The following HSPD1 variants were observed in gnomAD, a reference collection of about 807,000 sequenced individuals.
HSPD1 encodes 60 kDa heat shock protein, mitochondrial.
HSPD1 carries 3 observed loss-of-function variants against 53.0 expected under a neutral mutation model. The ratio of observed to expected loss-of-function variants is 0.06; its 90% CI spans 0.03 to 0.15. The LOEUF (loss-of-function observed/expected upper bound fraction) is 0.15. Ranked by LOEUF, HSPD1 falls within the 10% of genes least tolerant of loss-of-function variation. The probability of loss-of-function intolerance (pLI) is 1.00; values close to 1 mark genes in which losing one functional copy is unlikely to be tolerated. For missense variants in HSPD1, 431 were observed against 694.1 expected, an observed-to-expected ratio of 0.62 and a Z score of 4.26; for synonymous variants, 200 against 228.0, an observed-to-expected ratio of 0.88 and a Z score of 1.10.
At chr2:197,490,851 T>C (rs868484011) in intron 7 of HSPD1, among the ~76,000 whole-genome samples, 2 of 152,224 alleles carry the variant, frequency 1.3e-5, no homozygotes, top group African/African-American at 4.8e-5. Flanking sequence ...TCTCCATATA[T>C]TAATGCTGAG....
intron 11 of HSPD1, among the ~76,000 whole-genome samples, 177 bp from the exon 12 acceptor site, chr2:197,487,375 C>T (rs543406705): frequency 1.3e-5 from 2 of 151,952 alleles, no homozygotes; most frequent in South Asian, 4.2e-4. Context: ...GATGAGACCC[C>T]GTCTCTACTA....
At chr2:197,491,313 A>C (rs964388781) in intron 7 of HSPD1, among the ~76,000 whole-genome samples, 1 of 150,224 alleles carries the variant, frequency 6.7e-6, no homozygotes, top group African/African-American at 2.5e-5. Context: ...TCAGCCCGCC[A>C]CCACGCCCAG....
At chr2:197,489,519 A>T (rs567207123) in intron 8 of HSPD1, among the ~76,000 whole-genome samples, 1 of 152,260 alleles carries the variant, frequency 6.6e-6, no homozygotes, top group Non-Finnish European at 1.5e-5. Context: ...CCAGGACAAG[A>T]CCATAGGCCT....
chr2:197,491,310 G>A (rs899961891), intron 7 of HSPD1, among the ~76,000 whole-genome samples: 4 of 150,598 alleles, frequency 2.7e-5, no homozygotes, highest in East Asian at 4.0e-4. Flanking sequence ...GCCTCAGCCC[G>A]CCACCACGCC....
At chr2:197,494,501 C>T in intron 5 of HSPD1, 156 bp downstream of exon 5, 1 of 649,574 alleles carries the variant, frequency 1.5e-6, no homozygotes, top group South Asian at 1.9e-5. Flanking sequence ...GTACTTTATT[C>T]TATACATGTG....
intron 3 of HSPD1, 141 bp from the exon 4 acceptor site, chr2:197,495,517 G>T: frequency 1.6e-6 from 1 of 640,766 alleles, no homozygotes; most frequent in Non-Finnish European, 2.8e-6. Flanking sequence ...ACAGGGTCTT[G>T]TTCTGCTGCC....
chr2:197,490,892 C>T (rs2086083324), intron 7 of HSPD1, among the ~76,000 whole-genome samples: 1 of 152,154 alleles, frequency 6.6e-6, no homozygotes, highest in Non-Finnish European at 1.5e-5. Flanking sequence ...GAATTCACTT[C>T]TTTTATAAAT....
intron 2 of HSPD1, 68 bp from the exon 3 acceptor site, chr2:197,497,460 G>A: frequency 1.3e-6 from 2 of 1,513,760 alleles, no homozygotes; most frequent in Non-Finnish European, 1.8e-6. Context: ...AAAATGAGCA[G>A]TCTTCATAAT....
intron 4 of HSPD1, chr2:197,494,959 C>A: frequency 1.6e-6 from 1 of 608,512 alleles, no homozygotes; most frequent in Non-Finnish European, 2.9e-6. Context: ...GAATATGATA[C>A]ATAAAACTAT....
At chr2:197,488,813 C>T (rs1197769788) in intron 9 of HSPD1, among the ~76,000 whole-genome samples, 189 bp downstream of exon 9, 2 of 152,096 alleles carry the variant, frequency 1.3e-5, no homozygotes, top group South Asian at 2.1e-4. Context: ...GGTTGCAGTG[C>T]GCCGAGATCG....
chr2:197,498,929 G>GAGCA, intron 1 of HSPD1, 79 bp from the exon 2 acceptor site: 1 of 1,300,040 alleles, frequency 7.7e-7, no homozygotes, highest in Non-Finnish European at 1.1e-6. Flanking sequence ...CTGTGCAACA[G>GAGCA]AGCAAGCAAC....
chr2:197,487,621 T>C (rs562224516), intron 11 of HSPD1, among the ~76,000 whole-genome samples: 6 of 152,372 alleles, frequency 3.9e-5, no homozygotes, highest in East Asian at 3.9e-4. Flanking sequence ...CCTGATTTTT[T>C]CCTGCCTCCA....
At position 197,497,291 on chromosome 2, in the gene HSPD1, G is replaced by A; in HGVS notation, c.276C>T (p.Asn92=). The change falls in exon 3 of 12, where the codon AAC becomes AAT. Residue 92 remains asparagine (N), a synonymous_variant. Coordinates refer to ENST00000388968, the MANE Select transcript of HSPD1 (RefSeq NM_002156.5). ...CATCTTGAACAAGTTTAGCTCCAAT[G>A]TTTTTGTATTTATCTTTTAAGTCAA... The part of the protein sequence containing the change: ...KSIDLKDKYK[N]IGAKLVQDVA... 1 of 1,613,784 alleles carries A rather than the reference G, an allele frequency of 6.2e-7. No homozygotes were observed. The highest frequency in any genetic ancestry group is 8.5e-7 in the Non-Finnish European group (1 of 1,179,692).
chr2:197,498,373 C>A (rs1269881734), intron 2 of HSPD1, among the ~76,000 whole-genome samples: 1 of 152,146 alleles, frequency 6.6e-6, no homozygotes, highest in African/African-American at 2.4e-5. Flanking sequence ...GGAAAGGATC[C>A]AAATTTTAAC....
intron 8 of HSPD1, among the ~76,000 whole-genome samples, chr2:197,489,587 C>T (rs1400662370): frequency 6.6e-6 from 1 of 152,110 alleles, no homozygotes; most frequent in Admixed American, 6.6e-5. Flanking sequence ...AAACTGAGCT[C>T]GGTAGCTCAT....
intron 4 of HSPD1, 98 bp from the exon 5 acceptor site, chr2:197,494,850 C>CTCCCCTGGATGGAAGT: frequency 1.2e-6 from 1 of 805,412 alleles, no homozygotes; most frequent in Non-Finnish European, 2.2e-6. Context: ...TTGATACTTC[C>CTCCCCTGGATGGAAGT]ATCCAGGGGA....
rs74599649 is a variant in HSPD1 at position 197,495,151 on chromosome 2, G to T, written c.510+143C>A. On this transcript the variant is annotated intron_variant, in intron 4 of 11. Coordinates refer to ENST00000388968, the MANE Select transcript of HSPD1 (RefSeq NM_002156.5). ...CATTATGGTCATAATTCTTTTCAAA[G>T]GTTTTAGCAGTAAGAAACAATGATT... 3.9e-3 allele frequency: 2,617 copies of T among 668,004 alleles called. 51 individuals carry two copies. In the African/African-American group the frequency reaches 0.042, roughly 11 times the overall value. 41.4% of individuals were successfully genotyped at this position (668,004 alleles called of 1,614,324 possible).
chr2:197,498,766 T>C lies in HSPD1; in HGVS notation c.83A>G (p.Lys28Arg), dbSNP rs1366959488. Residue 28 changes from lysine (K) to arginine (R), a missense_variant, in exon 2 of 12, where the codon AAA becomes AGA. Physicochemically the swap from Lys to Arg is conservative, Grantham distance 26. Coordinates refer to ENST00000388968, the MANE Select transcript of HSPD1 (RefSeq NM_002156.5). ...LAPHLTRAYA[K>R]DVKFGADARA... Reference sequence around the variant, plus strand: ...GGCATCTGCACCAAATTTTACATCTTTGGCATAAGCCCGAGTGAGATGAGG... The same window carrying C: ...GGCATCTGCACCAAATTTTACATCTCTGGCATAAGCCCGAGTGAGATGAGG... 6.2e-7 allele frequency: 1 copy of C among 1,614,208 alleles called. No individual in the cohort carries two copies. The highest frequency in any genetic ancestry group is 2.2e-5 in the East Asian group (1 of 44,888).
chr2:197,490,487 G>A, intron 7 of HSPD1, 191 bp from the exon 8 acceptor site: 2 of 598,214 alleles, frequency 3.3e-6, no homozygotes, highest in South Asian at 4.0e-5. Flanking sequence ...AGACAGTTTA[G>A]GCTATTTTCT....
Sources: allele counts gnomAD v4.1 joint callset (sites outside exome capture counted in the v4.1 genomes callset), GRCh38; gene constraint gnomAD v4.1.1; transcripts MANE v1.5; gene names NCBI Gene and HGNC (gene_info 2026-07-23, HGNC 2026-07-21).